Variants in RASSF7 observed in about 807,000 individuals in gnomAD.
RASSF7 encodes Ras association domain family member 7.
A neutral mutation model predicts 33.8 loss-of-function variants in RASSF7; 41 were observed. The ratio of observed to expected loss-of-function variants is 1.21; its 90% CI spans 0.95 to 1.57. The LOEUF is 1.57. RASSF7 is among the 40% of genes most tolerant of loss of function. RASSF7 has a pLI of 0.00. For synonymous variants in RASSF7, 298 were observed against 212.8 expected, an observed-to-expected ratio of 1.40 and a Z score of -3.48; for missense variants, 622 against 497.0, an observed-to-expected ratio of 1.25 and a Z score of -2.39.
rs1853267379 is a variant in RASSF7 at position 561,044 on chromosome 11, C to A, written c.-441C>A. The A allele has an allele frequency of 1.0e-6, 1 of 996,180 alleles. No homozygotes were observed. The highest frequency in any genetic ancestry group is 4.7e-5 in the South Asian group (1 of 21,448). 61.7% of individuals were successfully genotyped at this position (996,180 alleles called of 1,614,324 possible). A position where few individuals can be genotyped will look rare whatever the true frequency, so the allele number is the denominator to read the frequency against. ...CTGGCGAGCGCCCAGGTGAGCCGCG[C>A]CGGGTCCCCGGTACTTGGGAGCGCG... On this transcript the variant is annotated 5_prime_UTR_variant, in exon 1 of 6. Coordinates refer to ENST00000397583, the MANE Select transcript of RASSF7 (RefSeq NM_003475.4).
chr11:562,369 C>T lies in RASSF7; in HGVS notation c.415C>T (p.Pro139Ser), dbSNP rs756219862. 5.0e-6 allele frequency: 8 copies of T among 1,592,998 alleles called. No homozygotes were observed. The highest frequency in any genetic ancestry group is 4.6e-5 in the East Asian group (2 of 43,346). ...CGAGCCAGCCCCCAGCCTCTCACGC[C>T]CTGGGCCTGCGGCCCCTGTGACACC... is the stretch of plus-strand genomic sequence containing the variant. ...TPEPAPSLSR[P>S]GPAAPVTPTP... The change falls in exon 3 of 6, where the codon CCT becomes TCT. Residue 139 changes from proline to serine, a missense_variant. Physicochemically the swap from Pro to Ser is moderately conservative, Grantham distance 74 (BLOSUM62 -1). Transcript: ENST00000397583.
Position 562,068 on chromosome 11 carries a change from C to T in RASSF7, c.125-11C>T, listed in dbSNP as rs778563611. 96 of 1,503,450 alleles carry T rather than the reference C, an allele frequency of 6.4e-5. No individual in the cohort carries two copies. Among genetic ancestry groups the T allele is most frequent in the Non-Finnish European group, 8.3e-5 (93 of 1,124,216 alleles). 93.1% of individuals were successfully genotyped at this position (1,503,450 alleles called of 1,614,324 possible). On this transcript the variant is annotated splice_polypyrimidine_tract_variant and intron_variant, in intron 2 of 5. Transcript: ENST00000397583. ...GGGGGACATAGGCTGACCTTCTCCTCTTCTTCCCAGGCCAGACTGGCCGCT... is the reference window on the plus strand; with the variant it reads ...GGGGGACATAGGCTGACCTTCTCCTTTTCTTCCCAGGCCAGACTGGCCGCT...
chr11:562,456 G>A lies in RASSF7; in HGVS notation c.502G>A (p.Glu168Lys). 6.4e-7 allele frequency: 1 copy of A among 1,550,888 alleles called. No individual in the cohort carries two copies. The highest frequency in any genetic ancestry group is 1.2e-5 in the South Asian group (1 of 84,278). ...GCTCAGGGTGCAGAGGAATGCTGAG[G>A]AGCTGGGCCATGAGGCCTTCTGGGA... ...LELRVQRNAE[E>K]LGHEAFWEQE... The change falls in exon 3 of 6, where the codon GAG becomes AAG. Residue 168 changes from glutamate to lysine, a missense_variant. Physicochemically the swap from Glu to Lys is moderately conservative, Grantham distance 56. Coordinates refer to ENST00000397583, the MANE Select transcript of RASSF7 (RefSeq NM_003475.4).
intron 1 of RASSF7, 25 bp downstream of exon 1, chr11:561,502 T>G (rs1397478409): frequency 3.0e-6 from 4 of 1,348,180 alleles, no homozygotes; most frequent in African/African-American, 2.9e-5. Context: ...AAATGCTGGA[T>G]CTGGTTAATG....
At position 563,893 on chromosome 11, in the gene RASSF7, AGT is replaced by A; in HGVS notation, c.*252_*253del. On this transcript the variant is annotated 3_prime_UTR_variant, in exon 6 of 6. Transcript: ENST00000397583. ...TGTTGGGGACAGGAGATGCATGGAC[AGT>A]GTGCTCAAGCTGTGGGCATGTGCTT... 1 of 574,104 alleles carries A rather than the reference AGT, an allele frequency of 1.7e-6. No homozygotes were observed. The highest frequency in any genetic ancestry group is 3.1e-6 in the Non-Finnish European group (1 of 323,680). The allele number at this position is 574,104 out of a possible 1,614,324, so 35.6% of individuals were successfully genotyped here. A position where few individuals can be genotyped will look rare whatever the true frequency, so the allele number is the denominator to read the frequency against.
rs763050659 is a variant in RASSF7 at position 563,210 on chromosome 11, G to A, written c.844G>A (p.Glu282Lys). The change falls in exon 4 of 6, where the codon GAG becomes AAG. Residue 282 changes from glutamate (E) to lysine (K), a missense_variant. By Grantham distance (56) the Glu-to-Lys change is moderately conservative (BLOSUM62 1). Transcript: ENST00000397583. Reference protein sequence around the residue: ...ALQAQAQELEELNRELRQCNL... With the variant: ...ALQAQAQELEKLNRELRQCNL... ...CCAGGCTCAGGCTCAGGAGCTGGAG[G>A]AGCTGAACCGAGAGCTCCGTCAGTG... 1.1e-5 allele frequency: 18 copies of A among 1,590,650 alleles called. No homozygotes were observed. Among genetic ancestry groups the A allele is most frequent in the Non-Finnish European group, 1.4e-5 (16 of 1,165,104 alleles).
chr11:562,892 T>G, intron 3 of RASSF7, 116 bp downstream of exon 3: 2 of 905,216 alleles, frequency 2.2e-6, no homozygotes, highest in Non-Finnish European at 3.2e-6. Flanking sequence ...CCCCTGTCAC[T>G]CCCCCACCCC....
At chr11:561,966 TC>T (rs1589838578) in intron 2 of RASSF7, 74 bp downstream of exon 2, 1 of 1,588,742 alleles carries the variant, frequency 6.3e-7, no homozygotes, top group African/African-American at 1.3e-5. Context: ...CTCCATGGTC[TC>T]CCCCAAGGAG....
rs1853269176 is a variant in RASSF7 at position 561,069 on chromosome 11, G to A, written c.-416G>A. 2.0e-6 allele frequency: 2 copies of A among 989,296 alleles called. No homozygotes were observed. The highest frequency in any genetic ancestry group is 6.1e-5 in the Admixed American group (1 of 16,318). The allele number at this position is 989,296 out of a possible 1,614,324, so 61.3% of individuals were successfully genotyped here. A position where few individuals can be genotyped will look rare whatever the true frequency, so the allele number is the denominator to read the frequency against. On this transcript the variant is annotated 5_prime_UTR_variant, in exon 1 of 6. Transcript: ENST00000397583. ...CCGGGTCCCCGGTACTTGGGAGCGC[G>A]GGGCGCGCCTCGAGCCGGCCGGACG...
At position 562,531 on chromosome 11, in the gene RASSF7, C is replaced by G. The variant is rs1564824073; in HGVS notation, c.577C>G (p.Leu193Val). The G allele has an allele frequency of 1.9e-6, 3 of 1,548,628 alleles. No homozygotes were observed. The Admixed American group carries it at 5.9e-5, about 30-fold the overall frequency. Reference protein sequence around the residue: ...QAREREGQARLQALSAATAEH... With the variant: ...QAREREGQARVQALSAATAEH... ...CCGGGAGCGAGAGGGACAGGCACGC[C>G]TGCAGGCACTAAGTGCGGCCACTGC... The change falls in exon 3 of 6, where the codon CTG becomes GTG. Residue 193 changes from leucine to valine, a missense_variant. Transcript: ENST00000397583.
chr11:562,268 G>A lies in RASSF7; in HGVS notation c.314G>A (p.Arg105His), dbSNP rs202178972. 13 of 1,612,912 alleles carry A rather than the reference G, an allele frequency of 8.1e-6. No homozygotes were observed. Among genetic ancestry groups the A allele is most frequent in the Admixed American group, 6.7e-5 (4 of 60,024 alleles). The change falls in exon 3 of 6, where the codon CGC becomes CAC. Residue 105 changes from arginine (R) to histidine (H), a missense_variant. Arg to His is a conservative substitution (Grantham distance 29). Coordinates refer to ENST00000397583, the MANE Select transcript of RASSF7 (RefSeq NM_003475.4). The part of the protein sequence containing the change: ...PSSDSCPPPE[R>H]CLIRASLPVK... Reference sequence around the variant, plus strand: ...TCAGACAGCTGTCCACCCCCGGAACGCTGCCTAATTCGTGCCAGCCTCCCT... The same window carrying A: ...TCAGACAGCTGTCCACCCCCGGAACACTGCCTAATTCGTGCCAGCCTCCCT...
rs757318738 is a variant in RASSF7, at chr11:563,475, G to C, written c.1031G>C (p.Arg344Pro). 2.5e-6 allele frequency: 4 copies of C among 1,610,356 alleles called. No individual in the cohort carries two copies. In the African/African-American group the frequency reaches 4.0e-5, roughly 16 times the overall value. Residue 344 changes from arginine (R) to proline (P), a missense_variant, in exon 5 of 6, where the codon CGA (arginine) becomes CCA (proline). Arg to Pro is a moderately radical substitution (Grantham distance 103). Coordinates refer to ENST00000397583, the MANE Select transcript of RASSF7 (RefSeq NM_003475.4). ...CATGCTGGTGCCCAGCCTAGGCCCC[G>C]AGGGTATGTCTGTGCCCCACCTCCC... ...ESHAGAQPRPRGGPHDAELLE... is the reference protein window; with the variant it reads ...ESHAGAQPRPPGGPHDAELLE...
At position 562,400 on chromosome 11, in the gene RASSF7, C is replaced by T. The variant is rs1296194687; in HGVS notation, c.446C>T (p.Pro149Leu). Residue 149 changes from proline (P) to leucine (L), a missense_variant, in exon 3 of 6, where the codon CCA becomes CTA. By Grantham distance (98) the Pro-to-Leu change is moderately conservative. Coordinates refer to ENST00000397583, the MANE Select transcript of RASSF7 (RefSeq NM_003475.4). ...PGPAAPVTPT[P>L]GCCTDLRGLE... ...CCTGCGGCCCCTGTGACACCCACAC[C>T]AGGCTGCTGCACAGACCTGCGGGGC... is the stretch of plus-strand genomic sequence containing the variant. 6 of 1,568,976 alleles carry T rather than the reference C, an allele frequency of 3.8e-6. No individual in the cohort carries two copies. Among genetic ancestry groups the T allele is most frequent in the Non-Finnish European group, 5.2e-6 (6 of 1,156,946 alleles).
chr11:563,229 G>A lies in RASSF7; in HGVS notation c.863G>A (p.Arg288His), dbSNP rs1016953574. The change falls in exon 4 of 6, where the codon CGT (arginine) becomes CAT (histidine). Residue 288 changes from arginine (R) to histidine (H), a missense_variant. Coordinates refer to ENST00000397583, the MANE Select transcript of RASSF7 (RefSeq NM_003475.4). ...CTGGAGGAGCTGAACCGAGAGCTCC[G>A]TCAGTGCAACCTGCAGCAGTTCATC... Reference protein sequence around the residue: ...QELEELNRELRQCNLQQFIQQ... With the variant: ...QELEELNRELHQCNLQQFIQQ... 3.7e-6 allele frequency: 6 copies of A among 1,602,876 alleles called. No homozygotes were observed. In the African/African-American group the frequency reaches 4.0e-5, roughly 11 times the overall value.
In RASSF7 at chr11:562,458, G is replaced by T; in HGVS notation, c.504G>T (p.Glu168Asp). 4.5e-6 allele frequency: 7 copies of T among 1,550,790 alleles called. No homozygotes were observed. Among genetic ancestry groups the T allele is most frequent in the Non-Finnish European group, 6.1e-6 (7 of 1,147,028 alleles). ...TCAGGGTGCAGAGGAATGCTGAGGAGCTGGGCCATGAGGCCTTCTGGGAGC... is the reference window on the plus strand; with the variant it reads ...TCAGGGTGCAGAGGAATGCTGAGGATCTGGGCCATGAGGCCTTCTGGGAGC... ...LELRVQRNAEELGHEAFWEQE... is the reference protein window; with the variant it reads ...LELRVQRNAEDLGHEAFWEQE... Residue 168 changes from glutamate to aspartate, a missense_variant, in exon 3 of 6, where the codon GAG becomes GAT. Physicochemically the swap from Glu to Asp is conservative, Grantham distance 45. Transcript: ENST00000397583.
Position 561,756 on chromosome 11 carries a change from C to G in RASSF7, c.-7-6C>G, listed in dbSNP as rs748707100. ...TCCTGACCCGGTGCCTGCGCCCTCC[C>G]CACAGGACAGGCATGTTGTTGGGAC... On this transcript the variant is annotated splice_region_variant and splice_polypyrimidine_tract_variant and intron_variant, in intron 1 of 5. Coordinates refer to ENST00000397583, the MANE Select transcript of RASSF7 (RefSeq NM_003475.4). 2.5e-6 allele frequency: 4 copies of G among 1,613,292 alleles called. No individual in the cohort carries two copies. The highest frequency in any genetic ancestry group is 1.7e-6 in the Non-Finnish European group (2 of 1,179,982).
chr11:562,233 G>A lies in RASSF7; in HGVS notation c.279G>A (p.Gly93=), dbSNP rs1853360661. 6.2e-7 allele frequency: 1 copy of A among 1,612,184 alleles called. No homozygotes were observed. The highest frequency in any genetic ancestry group is 8.5e-7 in the Non-Finnish European group (1 of 1,179,592). The change falls in exon 3 of 6, where the codon GGG becomes GGA. Residue 93 remains glycine, a synonymous_variant. Coordinates refer to ENST00000397583, the MANE Select transcript of RASSF7 (RefSeq NM_003475.4). ...VLRRTGPSLA[G]RPSSDSCPPP... ...GGCGCACAGGGCCCAGCCTAGCTGG[G>A]AGGCCCTCCTCAGACAGCTGTCCAC... is the stretch of plus-strand genomic sequence containing the variant.
rs911372142 is a variant in RASSF7, at chr11:562,680, C to G, written c.726C>G (p.His242Gln). The change falls in exon 3 of 6, where the codon CAC (histidine) becomes CAG (glutamine). Residue 242 changes from histidine (H) to glutamine (Q), a missense_variant. Coordinates refer to ENST00000397583, the MANE Select transcript of RASSF7 (RefSeq NM_003475.4). ...TGGCATCTGCCACTGAGCGCCTGCACCAGGACCTGGCTGTTCAGGAGCGGC... is the reference window on the plus strand; with the variant it reads ...TGGCATCTGCCACTGAGCGCCTGCAGCAGGACCTGGCTGTTCAGGAGCGGC... ...SPMASATERLHQDLAVQERQS... is the reference protein window; with the variant it reads ...SPMASATERLQQDLAVQERQS... 50 of 1,543,850 alleles carry G rather than the reference C, an allele frequency of 3.2e-5. No homozygotes were observed. The African/African-American group carries it at 6.3e-4, about 19-fold the overall frequency.
At position 562,627 on chromosome 11, in the gene RASSF7, G is replaced by T. The variant is rs577742379; in HGVS notation, c.673G>T (p.Ala225Ser). Residue 225 changes from alanine (A) to serine (S), a missense_variant, in exon 3 of 6, where the codon GCG becomes TCG. By Grantham distance (99) the Ala-to-Ser change is moderately conservative (BLOSUM62 1). Transcript: ENST00000397583. Reference protein sequence around the residue: ...RALEAELQLAAEAPGPPSPMA... With the variant: ...RALEAELQLASEAPGPPSPMA... ...CCTGGAGGCTGAGCTGCAGCTGGCAGCGGAGGCCCCTGGGCCCCCCTCACC... is the reference window on the plus strand; with the variant it reads ...CCTGGAGGCTGAGCTGCAGCTGGCATCGGAGGCCCCTGGGCCCCCCTCACC... 9 of 1,543,556 alleles carry T rather than the reference G, an allele frequency of 5.8e-6. No individual in the cohort carries two copies. The African/African-American group carries it at 6.8e-5, about 12-fold the overall frequency.
Sources: gnomAD v4.1 joint callset for allele counts on GRCh38, gnomAD v4.1.1 for gene constraint, MANE v1.5 for transcripts, NCBI Gene and HGNC (gene_info 2026-07-23, HGNC 2026-07-21) for gene names.